Variants in CCSER1 observed in about 807,000 individuals in gnomAD.
CCSER1 encodes coiled-coil serine rich protein 1.
A neutral mutation model predicts 82.0 loss-of-function variants in CCSER1; 41 were observed. The observed-to-expected ratio is 0.50, with a 90% CI of 0.39 to 0.65. CCSER1 has a LOEUF of 0.65. Ranked by LOEUF, CCSER1 falls within the 30% of genes least tolerant of loss-of-function variation. CCSER1 has a pLI of 0.00. For missense variants in CCSER1, 1,119 were observed against 1,064.2 expected, an observed-to-expected ratio of 1.05 and a Z score of -0.72; for synonymous variants, 414 against 383.9, an observed-to-expected ratio of 1.08 and a Z score of -0.92.
intron 9 of CCSER1, among the ~76,000 whole-genome samples, chr4:91,083,026 A>G (rs1722957688): frequency 6.6e-6 from 1 of 152,208 alleles, no homozygotes. Flanking sequence ...ATCTAGAACT[A>G]GGAATAGCAT....
At chr4:90,725,454 A>G (rs1002524308) in intron 7 of CCSER1, among the ~76,000 whole-genome samples, 30 of 151,620 alleles carry the variant, frequency 2.0e-4, no homozygotes, top group African/African-American at 6.0e-4. Flanking sequence ...AGTGCTTATA[A>G]TATTTAGTAT....
intron 10 of CCSER1, among the ~76,000 whole-genome samples, chr4:91,347,923 G>T (rs2149295544): frequency 6.6e-6 from 1 of 151,080 alleles, no homozygotes; most frequent in Non-Finnish European, 1.5e-5. Flanking sequence ...ACCTTAAAAA[G>T]ACAGTTTTAT....
intron 8 of CCSER1, among the ~76,000 whole-genome samples, chr4:90,903,925 T>G (rs893089456): frequency 3.3e-5 from 5 of 152,202 alleles, no homozygotes; most frequent in African/African-American, 1.2e-4. Flanking sequence ...TTACCTTTTA[T>G]AGTTAAAATT....
intron 5 of CCSER1, among the ~76,000 whole-genome samples, chr4:90,497,784 T>G (rs1261071063): frequency 6.6e-6 from 1 of 152,158 alleles, no homozygotes; most frequent in African/African-American, 2.4e-5. Context: ...TCTGTTTTGC[T>G]TGTCTGGATT....
chr4:91,556,614 A>T (rs1382917969), intron 10 of CCSER1, among the ~76,000 whole-genome samples: 1 of 151,164 alleles, frequency 6.6e-6, no homozygotes, highest in African/African-American at 2.4e-5. Flanking sequence ...ATTAATAATT[A>T]CTGGATGAAA....
intron 3 of CCSER1, among the ~76,000 whole-genome samples, chr4:90,390,120 G>A (rs902043267): frequency 1.3e-5 from 2 of 152,192 alleles, no homozygotes; most frequent in African/African-American, 4.8e-5. Context: ...TTAGAAGGCA[G>A]TATGTTTGGC....
chr4:91,001,100 C>T (rs987147780), intron 9 of CCSER1, among the ~76,000 whole-genome samples: 3 of 151,930 alleles, frequency 2.0e-5, no homozygotes, highest in Non-Finnish European at 2.9e-5. Flanking sequence ...CCTAGTTTAT[C>T]GAGGGGCTTT....
chr4:90,182,596 C>G (rs1176062651), intron 1 of CCSER1, among the ~76,000 whole-genome samples: 1 of 152,048 alleles, frequency 6.6e-6, no homozygotes, highest in Non-Finnish European at 1.5e-5. Context: ...AAAGAATTGA[C>G]TAATTATTAA....
At chr4:91,173,572 C>A (rs1210508467) in intron 10 of CCSER1, among the ~76,000 whole-genome samples, 2 of 131,014 alleles carry the variant, frequency 1.5e-5, no homozygotes, top group Admixed American at 9.1e-5. Context: ...CCAGCCTGGG[C>A]GACAGAGTGA....
chr4:90,161,020 T>C (rs1249379018), intron 1 of CCSER1, among the ~76,000 whole-genome samples: 1 of 152,130 alleles, frequency 6.6e-6, no homozygotes, highest in African/African-American at 2.4e-5. Flanking sequence ...ATAAGCTACC[T>C]AAAAGAGAAA....
chr4:90,982,313 A>G (rs1736187326), intron 9 of CCSER1, among the ~76,000 whole-genome samples: 1 of 151,612 alleles, frequency 6.6e-6, no homozygotes, highest in Admixed American at 6.6e-5. Flanking sequence ...CGGAGGCTCC[A>G]CCTTCATGAC....
chr4:90,475,335 C>A (rs914240064), intron 5 of CCSER1, among the ~76,000 whole-genome samples: 1 of 152,118 alleles, frequency 6.6e-6, no homozygotes, highest in Non-Finnish European at 1.5e-5. Flanking sequence ...TCAAAAGAAA[C>A]GGCTAGTGTT....
chr4:90,196,991 TC>T (rs1736744557), intron 1 of CCSER1, among the ~76,000 whole-genome samples: 1 of 152,008 alleles, frequency 6.6e-6, no homozygotes, highest in African/African-American at 2.4e-5. Flanking sequence ...GGTTAAGGTC[TC>T]AGTTCCACTA....
intron 1 of CCSER1, among the ~76,000 whole-genome samples, chr4:90,131,217 T>G (rs1363092710): frequency 1.3e-5 from 2 of 152,200 alleles, no homozygotes; most frequent in Non-Finnish European, 2.9e-5. Context: ...GCCAGGCTGG[T>G]CTCGAACTCC....
chr4:91,510,112 G>A (rs1360170323), intron 10 of CCSER1, among the ~76,000 whole-genome samples: 2 of 152,034 alleles, frequency 1.3e-5, no homozygotes, highest in African/African-American at 4.8e-5. Context: ...TGCAGTATTT[G>A]GTTTTCTGTT....
At chr4:91,163,393 A>G (rs555867648) in intron 10 of CCSER1, among the ~76,000 whole-genome samples, 4,550 of 152,092 alleles carry the variant, frequency 0.03, 105 homozygotes, top group Non-Finnish European at 0.044. Context: ...GGTGCTGACA[A>G]GAATGTATAT....
intron 1 of CCSER1, among the ~76,000 whole-genome samples, chr4:90,227,951 G>A (rs1400567048): frequency 3.9e-5 from 6 of 152,162 alleles, no homozygotes; most frequent in East Asian, 3.9e-4. Context: ...ATTATATCCC[G>A]CACCTGGCTC....
chr4:90,459,904 TTAA>T (rs1762659688), intron 4 of CCSER1, among the ~76,000 whole-genome samples: 1 of 152,206 alleles, frequency 6.6e-6, no homozygotes, highest in Admixed American at 6.5e-5. Flanking sequence ...GTTTTGAGTT[TTAA>T]TAATAAGATA....
chr4:90,956,075 G>T (rs779356640), intron 9 of CCSER1, among the ~76,000 whole-genome samples: 2 of 152,048 alleles, frequency 1.3e-5, no homozygotes, highest in African/African-American at 4.8e-5. Context: ...GTGTAGGACC[G>T]AGAACAGTGC....
Sources: gnomAD v4.1 joint callset for allele counts (sites outside exome capture counted in the v4.1 genomes callset) on GRCh38, gnomAD v4.1.1 for gene constraint, MANE v1.5 for transcripts, NCBI Gene and HGNC (gene_info 2026-07-23, HGNC 2026-07-21) for gene names.